The following ADGRL3 variants were observed in gnomAD, a reference collection of about 807,000 sequenced individuals.
ADGRL3 encodes adhesion G protein-coupled receptor L3.
In ADGRL3, 62 loss-of-function variants were observed where a neutral mutation model predicts 153.5. The ratio of observed to expected loss-of-function variants is 0.40; its 90% CI spans 0.33 to 0.50. ADGRL3 has a LOEUF of 0.50. Among genes scored for constraint, ADGRL3 ranks in the 20% least tolerant of loss-of-function variants. The pLI is 0.47. For missense variants in ADGRL3, 1,641 were observed against 1,859.4 expected (o/e 0.88, Z 2.16); for synonymous variants, 710 against 672.5 (o/e 1.06, Z -0.86).
intron 4 of ADGRL3, among the ~76,000 whole-genome samples, chr4:61,522,021 A>C (rs1049330437): frequency 6.6e-6 from 1 of 152,182 alleles, no homozygotes; most frequent in Non-Finnish European, 1.5e-5. Context: ...TAAGATGTCC[A>C]GAAACATTAA....
intron 4 of ADGRL3, among the ~76,000 whole-genome samples, chr4:61,550,813 A>G (rs1445297408): frequency 6.6e-6 from 1 of 152,044 alleles, no homozygotes; most frequent in Admixed American, 6.6e-5. Context: ...GCTAAGGCTT[A>G]GTTTTAGAGC....
At chr4:61,586,755 A>G (rs2098948227) in intron 4 of ADGRL3, among the ~76,000 whole-genome samples, 1 of 152,126 alleles carries the variant, frequency 6.6e-6, no homozygotes, top group Admixed American at 6.6e-5. Flanking sequence ...AGTATTGCCT[A>G]AAACAATGGA....
intron 4 of ADGRL3, among the ~76,000 whole-genome samples, chr4:61,579,957 T>A (rs2149265504): frequency 6.6e-6 from 1 of 152,216 alleles, no homozygotes; most frequent in East Asian, 1.9e-4. Context: ...TGTTTTGGAT[T>A]AGATTTTCAG....
chr4:61,407,962 A>G (rs994809459), intron 2 of ADGRL3, among the ~76,000 whole-genome samples: 5 of 152,136 alleles, frequency 3.3e-5, no homozygotes, highest in Non-Finnish European at 5.9e-5. Flanking sequence ...TGAGGAATGC[A>G]TCTGGAAAAA....
intron 8 of ADGRL3, among the ~76,000 whole-genome samples, chr4:61,794,681 T>G (rs1321221214): frequency 6.6e-6 from 1 of 152,214 alleles, no homozygotes; most frequent in Middle Eastern, 3.2e-3. Flanking sequence ...TGTGGAGATT[T>G]TCTTCATAAA....
At chr4:61,869,460 C>T (rs376428621) in intron 9 of ADGRL3, among the ~76,000 whole-genome samples, 23 of 150,900 alleles carry the variant, frequency 1.5e-4, no homozygotes, top group Admixed American at 7.3e-4. Context: ...TAGCCGGGCG[C>T]GGTGGCGGGC....
intron 1 of ADGRL3, among the ~76,000 whole-genome samples, chr4:61,290,472 A>T (rs1487693773): frequency 3.9e-5 from 6 of 152,036 alleles, no homozygotes; most frequent in Non-Finnish European, 5.9e-5. Flanking sequence ...GGTAAGGAAG[A>T]TAAGGATAAC....
chr4:61,490,477 A>G (rs2098246396), intron 2 of ADGRL3, among the ~76,000 whole-genome samples: 2 of 152,124 alleles, frequency 1.3e-5, no homozygotes, highest in Admixed American at 1.3e-4. Context: ...TAAATTAACA[A>G]AGAAACACAC....
intron 1 of ADGRL3, among the ~76,000 whole-genome samples, chr4:61,327,161 A>G (rs2095481626): frequency 6.6e-6 from 1 of 152,014 alleles, no homozygotes; most frequent in Admixed American, 6.6e-5. Flanking sequence ...GAAGCCACTA[A>G]GGTGCAAAGT....
At chr4:61,203,990 A>T (rs2148720283) in intron 1 of ADGRL3, among the ~76,000 whole-genome samples, 1 of 152,150 alleles carries the variant, frequency 6.6e-6, no homozygotes, top group South Asian at 2.1e-4. Flanking sequence ...TTACTTTTGC[A>T]AGTGAAACTG....
chr4:61,897,030 T>C (rs2098635611), intron 11 of ADGRL3, among the ~76,000 whole-genome samples: 1 of 152,206 alleles, frequency 6.6e-6, no homozygotes. Context: ...GACCATTTTA[T>C]TGTAGAAATT....
chr4:61,913,630 CT>C lies in ADGRL3; in HGVS notation c.2112+880del, dbSNP rs527565676. ...GGTGAACATAATATCAAGGTGTTTA[CT>C]TTTTTTAACCAAAACTCTTAAGTTA... On this transcript the variant is annotated intron_variant, in intron 13 of 26. Coordinates refer to ENST00000683033, the MANE Select transcript of ADGRL3 (RefSeq NM_001387552.1). Among the ~76,000 whole-genome samples, 169 of 152,152 alleles carry C rather than the reference CT, an allele frequency of 1.1e-3. 1 individual carries two copies. Among genetic ancestry groups the C allele is most frequent in the Non-Finnish European group, 2.1e-3 (142 of 67,974 alleles).
At chr4:61,397,746 C>A (rs1381181276) in intron 2 of ADGRL3, among the ~76,000 whole-genome samples, 2 of 151,810 alleles carry the variant, frequency 1.3e-5, no homozygotes, top group Admixed American at 6.6e-5. Flanking sequence ...TATTAACTGG[C>A]CTTTTCAGGC....
At chr4:61,461,161 A>G (rs2097810250) in intron 2 of ADGRL3, among the ~76,000 whole-genome samples, 1 of 152,144 alleles carries the variant, frequency 6.6e-6, no homozygotes, top group Non-Finnish European at 1.5e-5. Context: ...ACATGATTGA[A>G]TTATCTCCCA....
intron 9 of ADGRL3, among the ~76,000 whole-genome samples, chr4:61,861,819 A>G (rs996472278): frequency 1.4e-4 from 22 of 152,018 alleles, no homozygotes; most frequent in Non-Finnish European, 2.9e-4. Flanking sequence ...CTACACGTAC[A>G]TGTCTACTGC....
chr4:61,354,776 A>G (rs114227353), intron 1 of ADGRL3, among the ~76,000 whole-genome samples: 4,119 of 152,236 alleles, frequency 0.027, 87 homozygotes, highest in Non-Finnish European at 0.044. Context: ...CAAGTCGTAT[A>G]CATTTCAATT....
chr4:61,350,888 T>A (rs992935371), intron 1 of ADGRL3, among the ~76,000 whole-genome samples: 39 of 152,170 alleles, frequency 2.6e-4, no homozygotes, highest in African/African-American at 8.9e-4. Flanking sequence ...TTACACCAAT[T>A]AATAACCCTA....
intron 1 of ADGRL3, among the ~76,000 whole-genome samples, chr4:61,218,133 G>C (rs1420607270): frequency 6.6e-6 from 1 of 152,158 alleles, no homozygotes; most frequent in Non-Finnish European, 1.5e-5. Flanking sequence ...TAATAGTGAA[G>C]TATGTTTTAA....
At chr4:61,395,113 A>G (rs1329162908) in intron 2 of ADGRL3, among the ~76,000 whole-genome samples, 2 of 152,048 alleles carry the variant, frequency 1.3e-5, no homozygotes, top group Non-Finnish European at 2.9e-5. Context: ...CTGATTAAAT[A>G]TGCTGAATTA....
Sources: gnomAD v4.1 joint callset for allele counts (sites outside exome capture counted in the v4.1 genomes callset) on GRCh38, gnomAD v4.1.1 for gene constraint, MANE v1.5 for transcripts, NCBI Gene and HGNC (gene_info 2026-07-23, HGNC 2026-07-21) for gene names.